Variants in SPAG9 observed in about 807,000 individuals in gnomAD.
SPAG9 encodes C-Jun-amino-terminal kinase-interacting protein 4.
A neutral mutation model predicts 166.5 loss-of-function variants in SPAG9; 35 were observed. The ratio of observed to expected loss-of-function variants is 0.21; its 90% CI spans 0.16 to 0.28. The LOEUF (loss-of-function observed/expected upper bound fraction) is 0.28, where lower values mean the gene tolerates loss of function less well. Ranked by LOEUF, SPAG9 falls within the 10% of genes least tolerant of loss-of-function variation. SPAG9 has a pLI of 1.00. For synonymous variants in SPAG9, 534 were observed against 565.5 expected (o/e 0.94, Z 0.79); for missense variants, 1,235 against 1,603.3 (o/e 0.77, Z 3.92).
At chr17:51,054,964 C>T (rs2047320897) in intron 3 of SPAG9, among the ~76,000 whole-genome samples, 1 of 152,312 alleles carries the variant, frequency 6.6e-6, no homozygotes, top group Non-Finnish European at 1.5e-5. Flanking sequence ...CAAGAAAGTG[C>T]TAACCACATT....
chr17:51,012,440 T>C (rs2045524668), intron 9 of SPAG9, among the ~76,000 whole-genome samples: 1 of 151,628 alleles, frequency 6.6e-6, no homozygotes, highest in Admixed American at 6.6e-5. Context: ...CATGGTGGTA[T>C]GCGCCTTTAG....
At chr17:51,019,807 G>A (rs769578678) in intron 8 of SPAG9, among the ~76,000 whole-genome samples, 6 of 152,078 alleles carry the variant, frequency 3.9e-5, no homozygotes, top group Non-Finnish European at 7.4e-5. Flanking sequence ...AGCCGAGATC[G>A]CACCATTGCA....
At chr17:51,115,662 C>T (rs573885406) in intron 1 of SPAG9, among the ~76,000 whole-genome samples, 52 of 152,006 alleles carry the variant, frequency 3.4e-4, no homozygotes, top group African/African-American at 1.3e-3. Flanking sequence ...GAAACCCCAA[C>T]TCCACTAAAA....
chr17:50,990,188 C>T lies in SPAG9; in HGVS notation c.2617+262G>A, dbSNP rs573290443. On this transcript the variant is annotated intron_variant, in intron 20 of 29. Coordinates refer to ENST00000262013, the MANE Select transcript of SPAG9 (RefSeq NM_001130528.3). Reference sequence around the variant, plus strand: ...GACTACAGGCACCCGCCACCACGCCCGGTTAATTTTTTGTACTTTTTAGTA... The same window carrying T: ...GACTACAGGCACCCGCCACCACGCCTGGTTAATTTTTTGTACTTTTTAGTA... The T allele has an allele frequency of 5.1e-4, 264 of 514,658 alleles. 4 individuals are homozygous for T. The highest frequency in any genetic ancestry group is 4.5e-3 in the South Asian group (216 of 48,118). 31.9% of individuals were successfully genotyped at this position (514,658 alleles called of 1,614,324 possible). A position where few individuals can be genotyped will look rare whatever the true frequency, so the allele number is the denominator to read the frequency against.
chr17:51,013,915 CACAT>C (rs936755529), intron 9 of SPAG9, among the ~76,000 whole-genome samples: 53 of 143,772 alleles, frequency 3.7e-4, no homozygotes, highest in African/African-American at 1.5e-3. Flanking sequence ...CACACACACA[CACAT>C]ACACACACAC....
chr17:50,989,101 A>G (rs922697967), intron 21 of SPAG9, among the ~76,000 whole-genome samples: 2 of 152,250 alleles, frequency 1.3e-5, no homozygotes, highest in Non-Finnish European at 2.9e-5. Context: ...TTTGACTAAT[A>G]TATAGTCACA....
chr17:51,047,604 T>C (rs1470127622), intron 3 of SPAG9, 135 bp from the exon 4 acceptor site: 8 of 402,362 alleles, frequency 2.0e-5, no homozygotes, highest in Non-Finnish European at 3.5e-5. Flanking sequence ...AAGAGAATAT[T>C]AAGGAATGAA....
At chr17:51,066,099 C>T (rs1203198506) in intron 2 of SPAG9, among the ~76,000 whole-genome samples, 1 of 150,798 alleles carries the variant, frequency 6.6e-6, no homozygotes, top group East Asian at 1.9e-4. Context: ...AGGTATGTTA[C>T]CCCATTACGC....
intron 2 of SPAG9, among the ~76,000 whole-genome samples, chr17:51,069,955 A>C (rs2047776385): frequency 6.6e-6 from 1 of 152,160 alleles, no homozygotes; most frequent in African/African-American, 2.4e-5. Flanking sequence ...AAGAGTCTAA[A>C]TATAACAGCT....
intron 1 of SPAG9, among the ~76,000 whole-genome samples, chr17:51,107,322 C>T (rs1049858359): frequency 5.3e-5 from 8 of 151,408 alleles, no homozygotes; most frequent in African/African-American, 1.9e-4. Context: ...GCCAAGGCGG[C>T]AGATCATTTG....
intron 1 of SPAG9, among the ~76,000 whole-genome samples, chr17:51,114,851 C>A (rs2049237388): frequency 6.6e-6 from 1 of 151,756 alleles, no homozygotes; most frequent in African/African-American, 2.4e-5. Flanking sequence ...ACTCAGGCAG[C>A]TGAGGCAGGA....
chr17:51,089,822 A>AC (rs1480804631), intron 1 of SPAG9, among the ~76,000 whole-genome samples: 3 of 150,078 alleles, frequency 2.0e-5, no homozygotes. Flanking sequence ...GATTACAGGC[A>AC]CCCACCACCA....
intron 1 of SPAG9, among the ~76,000 whole-genome samples, chr17:51,095,741 T>G (rs1020161877): frequency 6.8e-6 from 1 of 147,486 alleles, no homozygotes; most frequent in Non-Finnish European, 1.5e-5. Context: ...TATATACATA[T>G]AGTGATATAT....
intron 6 of SPAG9, among the ~76,000 whole-genome samples, chr17:51,022,912 G>C (rs2144200664): frequency 6.8e-6 from 1 of 147,454 alleles, no homozygotes; most frequent in East Asian, 2.0e-4. Flanking sequence ...ATCGCATCCA[G>C]TCTGGGCAAC....
intron 2 of SPAG9, among the ~76,000 whole-genome samples, chr17:51,057,101 T>G (rs2047382990): frequency 6.6e-6 from 1 of 151,948 alleles, no homozygotes; most frequent in African/African-American, 2.4e-5. Flanking sequence ...AGAGGAATGA[T>G]TCAGGGAGGA....
intron 1 of SPAG9, among the ~76,000 whole-genome samples, chr17:51,094,303 A>AAG (rs1273943192): frequency 6.6e-6 from 1 of 152,208 alleles, no homozygotes; most frequent in East Asian, 1.9e-4. Context: ...TCTAGCCTGA[A>AAG]AGAGAGAAAC....
intron 24 of SPAG9, among the ~76,000 whole-genome samples, chr17:50,983,067 C>A (rs192728155): frequency 6.6e-6 from 1 of 152,276 alleles, no homozygotes; most frequent in African/African-American, 2.4e-5. Context: ...AAGTTGAGGG[C>A]AACTCATTGC....
rs1287274459 is a variant in SPAG9 at position 51,112,810 on chromosome 17, C to CA, written c.303+7543dup. Among the ~76,000 whole-genome samples, 8 of 147,518 alleles carry CA rather than the reference C, an allele frequency of 5.4e-5. No individual in the cohort carries two copies. The East Asian group carries it at 8.1e-4, about 15-fold the overall frequency. On this transcript the variant is annotated intron_variant, in intron 1 of 29. Coordinates refer to ENST00000262013, the MANE Select transcript of SPAG9 (RefSeq NM_001130528.3). ...ATAACATAACGAGACCCTGTTTCTACAAAAAAAATTAAAAATTAGCCAGGC... is the reference window on the plus strand; with the variant it reads ...ATAACATAACGAGACCCTGTTTCTACAAAAAAAAATTAAAAATTAGCCAGGC...
intron 29 of SPAG9, among the ~76,000 whole-genome samples, chr17:50,966,915 A>C (rs1973402310): frequency 6.6e-6 from 1 of 152,260 alleles, no homozygotes; most frequent in Non-Finnish European, 1.5e-5. Context: ...AGCACTGCAG[A>C]TGGCAGATTC....
Sources: gnomAD v4.1 joint callset for allele counts (sites outside exome capture counted in the v4.1 genomes callset) on GRCh38, gnomAD v4.1.1 for gene constraint, MANE v1.5 for transcripts, NCBI Gene and HGNC (gene_info 2026-07-23, HGNC 2026-07-21) for gene names.